The following AGPAT4 variants were observed in gnomAD, a reference collection of about 807,000 sequenced individuals.
The protein encoded by AGPAT4 is 1-acyl-sn-glycerol-3-phosphate acyltransferase delta.
A neutral mutation model predicts 48.0 loss-of-function variants in AGPAT4; 15 were observed. That is an observed-to-expected ratio of 0.31 (90% CI 0.21 to 0.48). The LOEUF (loss-of-function observed/expected upper bound fraction) is 0.48. Among genes scored for constraint, AGPAT4 ranks in the 20% least tolerant of loss-of-function variants. The probability of loss-of-function intolerance (pLI) is 0.99; values close to 1 mark genes in which losing one functional copy is unlikely to be tolerated. For synonymous variants in AGPAT4, 178 were observed against 198.7 expected, an observed-to-expected ratio of 0.90 and a Z score of 0.88; for missense variants, 314 against 482.5, an observed-to-expected ratio of 0.65 and a Z score of 3.27.
rs796747037 is a variant in AGPAT4 at position 161,169,917 on chromosome 6, C to G, written c.179-3500G>C. 7.9e-5 allele frequency among the ~76,000 whole-genome samples: 12 copies of G among 152,258 alleles called. No homozygotes were observed. The highest frequency in any genetic ancestry group is 2.9e-4 in the African/African-American group (12 of 41,554). ...GTAGGTCACACATGTTTTTGCTGAT[C>G]TGCTGATTCACGTCTTCAGCACAAA... On this transcript the variant is annotated intron_variant, in intron 2 of 8. Transcript: ENST00000320285. This position sits in a 1 kb window ranked among gnomAD's most constrained non-coding sequence, Gnocchi z 5.0.
At position 161,161,071 on chromosome 6, in the gene AGPAT4, G is replaced by A. The variant is rs1293979560; in HGVS notation, c.348+5177C>T. On this transcript the variant is annotated intron_variant, in intron 3 of 8. Coordinates refer to ENST00000320285, the MANE Select transcript of AGPAT4 (RefSeq NM_020133.3). The surrounding 1 kb of genome is among the most constrained non-coding windows in gnomAD (Gnocchi z 4.6). Reference sequence around the variant, plus strand: ...ATACCAAGTCGGTGTACAGCAGACAGCACAGGCTGTGACCGTTTGCTGAGG... The same window carrying A: ...ATACCAAGTCGGTGTACAGCAGACAACACAGGCTGTGACCGTTTGCTGAGG... 1 of 456,730 alleles carries A rather than the reference G, an allele frequency of 2.2e-6. No individual in the cohort carries two copies. The highest frequency in any genetic ancestry group is 1.5e-5 in the South Asian group (1 of 64,568). 28.3% of individuals were successfully genotyped at this position (456,730 alleles called of 1,614,324 possible).
In AGPAT4 at chr6:161,164,742, T is replaced by C. The variant is rs1780043777; in HGVS notation, c.348+1506A>G. Reference sequence around the variant, plus strand: ...ACACGGAGTGAGCTCGTGGGTGTAATGCCACCAAGGGGCAAGCAGGGATTG... The same window carrying C: ...ACACGGAGTGAGCTCGTGGGTGTAACGCCACCAAGGGGCAAGCAGGGATTG... On this transcript the variant is annotated intron_variant, in intron 3 of 8. Coordinates refer to ENST00000320285, the MANE Select transcript of AGPAT4 (RefSeq NM_020133.3). This position sits in a 1 kb window ranked among gnomAD's most constrained non-coding sequence, Gnocchi z 7.4. Among the ~76,000 whole-genome samples the C allele has an allele frequency of 6.6e-6, 1 of 152,190 alleles. No homozygotes were observed. Among genetic ancestry groups the C allele is most frequent in the African/African-American group, 2.4e-5 (1 of 41,444 alleles).
chr6:161,246,027 T>A lies in AGPAT4; in HGVS notation c.-89-13725A>T, dbSNP rs1347607630. ...CTTGTTTCTAGATAGCTCTGAAAAATGGCCACAAGAATACTGAAGTACTTG... is the reference window on the plus strand; with the variant it reads ...CTTGTTTCTAGATAGCTCTGAAAAAAGGCCACAAGAATACTGAAGTACTTG... On this transcript the variant is annotated intron_variant, in intron 1 of 8. Transcript: ENST00000320285. This position sits in a 1 kb window ranked among gnomAD's most constrained non-coding sequence, Gnocchi z 5.5. 1.3e-5 allele frequency among the ~76,000 whole-genome samples: 2 copies of A among 152,098 alleles called. No homozygotes were observed. Among genetic ancestry groups the A allele is most frequent in the Non-Finnish European group, 2.9e-5 (2 of 68,012 alleles).
Position 161,153,349 on chromosome 6 carries a change from C to T in AGPAT4, c.661G>A (p.Val221Ile). 1 of 1,606,906 alleles carries T rather than the reference C, an allele frequency of 6.2e-7. No homozygotes were observed. Among genetic ancestry groups the T allele is most frequent in the Non-Finnish European group, 8.5e-7 (1 of 1,176,478 alleles). The change falls in exon 5 of 9, where the codon GTA (valine) becomes ATA (isoleucine). Residue 221 changes from valine to isoleucine, a missense_variant. Physicochemically the swap from Val to Ile is conservative, Grantham distance 29 (BLOSUM62 3). Transcript: ENST00000320285. ...FAITVRSLRN[V>I]VSAVYDCTLN... ...AGGGCCACGCACTCTTCCTTACCTA[C>T]ATTTCTCAAGCTCCTCACGGTGATG...
intron 3 of AGPAT4, chr6:161,160,967 C>A (rs1463155029): frequency 2.2e-6 from 1 of 456,592 alleles, no homozygotes; most frequent in Admixed American, 2.3e-5. Context: ...GCTTGCTAAA[C>A]AGTTGCAGGA....
intron 1 of AGPAT4, among the ~76,000 whole-genome samples, chr6:161,237,458 T>C (rs1314831426): frequency 2.6e-5 from 4 of 152,152 alleles, no homozygotes; most frequent in African/African-American, 9.7e-5. Context: ...AACTGAGTCA[T>C]TCGTATAAGG....
At position 161,184,239 on chromosome 6, in the gene AGPAT4, G is replaced by A. The variant is rs1780699090; in HGVS notation, c.179-17822C>T. 6.6e-6 allele frequency among the ~76,000 whole-genome samples: 1 copy of A among 150,500 alleles called. No individual in the cohort carries two copies. Among genetic ancestry groups the A allele is most frequent in the Non-Finnish European group, 1.5e-5 (1 of 67,522 alleles). On this transcript the variant is annotated intron_variant, in intron 2 of 8. Coordinates refer to ENST00000320285, the MANE Select transcript of AGPAT4 (RefSeq NM_020133.3). This position sits in a 1 kb window ranked among gnomAD's most constrained non-coding sequence, Gnocchi z 4.8. Reference sequence around the variant, plus strand: ...CCAACAGGGGTGGTGGGCTCGGTGGGCATAGTGGAAATGGTGAGAAATGAT... The same window carrying A: ...CCAACAGGGGTGGTGGGCTCGGTGGACATAGTGGAAATGGTGAGAAATGAT...
In AGPAT4 at chr6:161,234,351, T is replaced by A. The variant is rs1782208260; in HGVS notation, c.-89-2049A>T. Among the ~76,000 whole-genome samples, 1 of 152,272 alleles carries A rather than the reference T, an allele frequency of 6.6e-6. No individual in the cohort carries two copies. Among genetic ancestry groups the A allele is most frequent in the South Asian group, 2.1e-4 (1 of 4,814 alleles). On this transcript the variant is annotated intron_variant, in intron 1 of 8. Transcript: ENST00000320285. The surrounding 1 kb of genome is among the most constrained non-coding windows in gnomAD (Gnocchi z 4.4). ...AAATCATCTTAGCTCCACTGAGACATCCCATTCTCTAGGCCCCAGAAGCTC... is the reference window on the plus strand; with the variant it reads ...AAATCATCTTAGCTCCACTGAGACAACCCATTCTCTAGGCCCCAGAAGCTC...
chr6:161,150,475 A>AGGAGT, intron 5 of AGPAT4, among the ~76,000 whole-genome samples: 1 of 152,368 alleles, frequency 6.6e-6, no homozygotes, highest in Admixed American at 6.5e-5. Flanking sequence ...TATTAATAAA[A>AGGAGT]GGAGTGGGAG....
In AGPAT4 at chr6:161,221,946, A is replaced by G. The variant is rs1488570645; in HGVS notation, c.178+10090T>C. On this transcript the variant is annotated intron_variant, in intron 2 of 8. Transcript: ENST00000320285. The surrounding 1 kb of genome is among the most constrained non-coding windows in gnomAD (Gnocchi z 4.5). ...AGACTCTATTTCCAAACAAGTTCAC[A>G]TTCACAAGCACTGGGCTTTCAACAT... is the stretch of plus-strand genomic sequence containing the variant. Among the ~76,000 whole-genome samples, 1 of 152,232 alleles carries G rather than the reference A, an allele frequency of 6.6e-6. No homozygotes were observed. The highest frequency in any genetic ancestry group is 1.5e-5 in the Non-Finnish European group (1 of 68,050).
In AGPAT4 at chr6:161,216,799, C is replaced by CACG. The variant is rs1781659391; in HGVS notation, c.178+15234_178+15236dup. 2.0e-5 allele frequency among the ~76,000 whole-genome samples: 3 copies of CACG among 152,156 alleles called. No homozygotes were observed. The highest frequency in any genetic ancestry group is 7.2e-5 in the African/African-American group (3 of 41,432). ...CATCAGATCTCGTGAGACTTACTAT[C>CACG]ACGAGACTAGCACGAGAAAAACTGG... is the stretch of plus-strand genomic sequence containing the variant. On this transcript the variant is annotated intron_variant, in intron 2 of 8. Coordinates refer to ENST00000320285, the MANE Select transcript of AGPAT4 (RefSeq NM_020133.3). The surrounding 1 kb of genome is among the most constrained non-coding windows in gnomAD (Gnocchi z 4.8).
intron 3 of AGPAT4, among the ~76,000 whole-genome samples, chr6:161,157,005 TG>T (rs1438890420): frequency 6.6e-6 from 1 of 152,240 alleles, no homozygotes; most frequent in Admixed American, 6.5e-5. Context: ...AATAAATACG[TG>T]GGTAAATCTC....
Position 161,246,382 on chromosome 6 carries a change from C to T in AGPAT4, c.-89-14080G>A, listed in dbSNP as rs1782648238. Reference sequence around the variant, plus strand: ...TAAGTTCTACTATATACTAACATTGCATTAGACTTCTGAGCATAGGCACAG... The same window carrying T: ...TAAGTTCTACTATATACTAACATTGTATTAGACTTCTGAGCATAGGCACAG... On this transcript the variant is annotated intron_variant, in intron 1 of 8. Transcript: ENST00000320285. The surrounding 1 kb of genome is among the most constrained non-coding windows in gnomAD (Gnocchi z 5.5). Among the ~76,000 whole-genome samples, 1 of 151,984 alleles carries T rather than the reference C, an allele frequency of 6.6e-6. No individual in the cohort carries two copies. The highest frequency in any genetic ancestry group is 2.4e-5 in the African/African-American group (1 of 41,366).
chr6:161,154,636 G>A lies in AGPAT4; in HGVS notation c.349-326C>T, dbSNP rs924041329. On this transcript the variant is annotated intron_variant, in intron 3 of 8. Coordinates refer to ENST00000320285, the MANE Select transcript of AGPAT4 (RefSeq NM_020133.3). This position sits in a 1 kb window ranked among gnomAD's most constrained non-coding sequence, Gnocchi z 7.8. ...ACGATGCTCCCACCACCATCCAAAC[G>A]GTTTCTAGGTTATCACCGTCACATA... Among the ~76,000 whole-genome samples, 10 of 152,144 alleles carry A rather than the reference G, an allele frequency of 6.6e-5. No homozygotes were observed. Among genetic ancestry groups the A allele is most frequent in the Non-Finnish European group, 1.0e-4 (7 of 68,026 alleles).
chr6:161,161,238 A>G lies in AGPAT4; in HGVS notation c.348+5010T>C, dbSNP rs1376189861. 1 of 456,664 alleles carries G rather than the reference A, an allele frequency of 2.2e-6. No individual in the cohort carries two copies. Among genetic ancestry groups the G allele is most frequent in the Non-Finnish European group, 4.4e-6 (1 of 226,966 alleles). 28.3% of individuals were successfully genotyped at this position (456,664 alleles called of 1,614,324 possible). A position where few individuals can be genotyped will look rare whatever the true frequency, so the allele number is the denominator to read the frequency against. ...AAGACCCCGGTGTGTCCAACGTGGG[A>G]CCGGACTTTTACAGATGAGCATGCG... On this transcript the variant is annotated intron_variant, in intron 3 of 8. Coordinates refer to ENST00000320285, the MANE Select transcript of AGPAT4 (RefSeq NM_020133.3). The surrounding 1 kb of genome is among the most constrained non-coding windows in gnomAD (Gnocchi z 4.6).
intron 3 of AGPAT4, among the ~76,000 whole-genome samples, chr6:161,163,836 GAGGCATCGCCCTGGCCCC>G (rs1780009014): frequency 6.6e-6 from 1 of 152,200 alleles, no homozygotes; most frequent in African/African-American, 2.4e-5. Context: ...GAGAAGAGAA[GAGGCATCGCCCTGGCCCC>G]AGGCTCCCAG....
rs1380152435 is a variant in AGPAT4, at chr6:161,254,309, T to G, written c.-90+19629A>C. Among the ~76,000 whole-genome samples, 1 of 152,210 alleles carries G rather than the reference T, an allele frequency of 6.6e-6. No homozygotes were observed. The highest frequency in any genetic ancestry group is 1.9e-4 in the East Asian group (1 of 5,190). On this transcript the variant is annotated intron_variant, in intron 1 of 8. Transcript: ENST00000320285. This position sits in a 1 kb window ranked among gnomAD's most constrained non-coding sequence, Gnocchi z 5.9. Reference sequence around the variant, plus strand: ...AATAGAGGCTCAGGGAAGTCATGACTTATTTTCTTTGGTCACTAACCTGCT... The same window carrying G: ...AATAGAGGCTCAGGGAAGTCATGACGTATTTTCTTTGGTCACTAACCTGCT...
rs2115016396 is a variant in AGPAT4 at position 161,208,360 on chromosome 6, T to C, written c.178+23676A>G. On this transcript the variant is annotated intron_variant, in intron 2 of 8. Coordinates refer to ENST00000320285, the MANE Select transcript of AGPAT4 (RefSeq NM_020133.3). This position sits in a 1 kb window ranked among gnomAD's most constrained non-coding sequence, Gnocchi z 4.6. ...TCATCTTTCTGGCTTTGGCAAGATC[T>C]CCCTTTTGTTCCCACCTTGAAGGCT... 6.6e-6 allele frequency among the ~76,000 whole-genome samples: 1 copy of C among 152,306 alleles called. No homozygotes were observed. The highest frequency in any genetic ancestry group is 2.1e-4 in the South Asian group (1 of 4,818).
At position 161,133,451 on chromosome 6, in the gene AGPAT4, G is replaced by A. The variant is rs1778966442; in HGVS notation, c.*3089C>T. 6.6e-6 allele frequency: 1 copy of A among 152,202 alleles called. No homozygotes were observed. Among genetic ancestry groups the A allele is most frequent in the South Asian group, 2.1e-4 (1 of 4,836 alleles). 9.4% of individuals were successfully genotyped at this position (152,202 alleles called of 1,614,324 possible). The stretch of plus-strand genomic sequence containing the variant: ...TATGAAAAAAGTTGGTTTTCTCTCT[G>A]TCAAAGTCAATAGGGTGGTAGACTA... On this transcript the variant is annotated 3_prime_UTR_variant, in exon 9 of 9. Transcript: ENST00000320285.
Sources: allele counts gnomAD v4.1 joint callset (sites outside exome capture counted in the v4.1 genomes callset), GRCh38; gene constraint gnomAD v4.1.1; non-coding constraint Gnocchi (gnomAD v3.1); transcripts MANE v1.5; gene names NCBI Gene and HGNC (gene_info 2026-07-23, HGNC 2026-07-21).